DPYSL4: variants seen among roughly 807,000 people sequenced by gnomAD.
The protein encoded by DPYSL4 is dihydropyrimidinase like 4.
A neutral mutation model predicts 63.4 loss-of-function variants in DPYSL4; 43 were observed. The observed-to-expected ratio is 0.68, with a 90% CI of 0.53 to 0.88. The LOEUF (loss-of-function observed/expected upper bound fraction) is 0.88, where lower values mean the gene tolerates loss of function less well. Ranked by LOEUF, DPYSL4 falls within the 40% of genes least tolerant of loss-of-function variation. The pLI, the probability that DPYSL4 is intolerant of heterozygous loss-of-function variation, is 0.00. For synonymous variants in DPYSL4, 353 were observed against 331.7 expected, an observed-to-expected ratio of 1.06 and a Z score of -0.70; for missense variants, 733 against 819.5, an observed-to-expected ratio of 0.89 and a Z score of 1.29.
At chr10:132,196,603 G>A (rs750243568) in intron 4 of DPYSL4, among the ~76,000 whole-genome samples, 9 of 152,254 alleles carry the variant, frequency 5.9e-5, no homozygotes, top group Admixed American at 2.0e-4. Context: ...ATTTGCCGCT[G>A]GGTGGACAAT....
In DPYSL4 at chr10:132,200,349, G is replaced by A; in HGVS notation, c.812-7G>A. 1.2e-6 allele frequency: 2 copies of A among 1,612,984 alleles called. No individual in the cohort carries two copies. Among genetic ancestry groups the A allele is most frequent in the Non-Finnish European group, 1.7e-6 (2 of 1,179,806 alleles). ...GTGGGGCACCTCTCATGGGCCTCGT[G>A]CTGCAGGGGTGGTCGTGTTTGGGGA... On this transcript the variant is annotated splice_region_variant and splice_polypyrimidine_tract_variant and intron_variant, in intron 8 of 13. Transcript: ENST00000338492.
rs1156673758 is a variant in DPYSL4, at chr10:132,195,017, T to G, written c.478+8T>G. 23 of 1,575,624 alleles carry G rather than the reference T, an allele frequency of 1.5e-5. No homozygotes were observed. The highest frequency in any genetic ancestry group is 1.7e-4 in the Middle Eastern group (1 of 5,920). On this transcript the variant is annotated splice_region_variant and intron_variant, in intron 4 of 13. Transcript: ENST00000338492. ...CCCTGGTCAAGGAGAAGGGTGAGGG[T>G]GGCTGGAGGGGCTGGAGGGCGGGCA...
rs747724573 is a variant in DPYSL4 at position 132,190,742 on chromosome 10, G to A, written c.40-5G>A. 1.9e-5 allele frequency: 31 copies of A among 1,612,538 alleles called. No homozygotes were observed. The highest frequency in any genetic ancestry group is 1.3e-4 in the East Asian group (6 of 44,850). On this transcript the variant is annotated splice_polypyrimidine_tract_variant and splice_region_variant and intron_variant, in intron 1 of 13. Coordinates refer to ENST00000338492, the MANE Select transcript of DPYSL4 (RefSeq NM_006426.3). ...AGAAAAATTACCCTTTGTTGTTCCC[G>A]ATAGAGTGACCGCCTTCTGATCAGA...
chr10:132,200,260 G>A, intron 8 of DPYSL4, 96 bp from the exon 9 acceptor site: 2 of 1,475,552 alleles, frequency 1.4e-6, no homozygotes, highest in Admixed American at 1.8e-5. Flanking sequence ...GGCAAGGAAA[G>A]TGAGGGGCAG....
At position 132,194,884 on chromosome 10, in the gene DPYSL4, C is replaced by T. The variant is rs778214732; in HGVS notation, c.353C>T (p.Ala118Val). The T allele has an allele frequency of 3.9e-5, 63 of 1,612,668 alleles. No homozygotes were observed. Among genetic ancestry groups the T allele is most frequent in the Admixed American group, 1.8e-4 (11 of 59,994 alleles). Residue 118 changes from alanine (A) to valine (V), a missense_variant, in exon 4 of 14, where the codon GCG becomes GTG. By Grantham distance (64) the Ala-to-Val change is moderately conservative (BLOSUM62 0). Coordinates refer to ENST00000338492, the MANE Select transcript of DPYSL4 (RefSeq NM_006426.3). ...VFPDTGVSLL[A>V]AYEQWRERAD... ...CCCGACACGGGTGTGAGCCTGCTGG[C>T]GGCCTACGAGCAGTGGCGGGAGCGG...
chr10:132,187,275 G>A (rs2061809331), intron 1 of DPYSL4, among the ~76,000 whole-genome samples, 173 bp downstream of exon 1: 1 of 151,420 alleles, frequency 6.6e-6, no homozygotes, highest in Non-Finnish European at 1.5e-5. Context: ...CCCAGGGTCC[G>A]AGAGTCCCCG....
At chr10:132,192,404 G>T (rs767779736) in intron 2 of DPYSL4, 2 of 1,137,888 alleles carry the variant, frequency 1.8e-6, no homozygotes. Context: ...TACCAACCAG[G>T]GACCTGAGTG....
chr10:132,196,207 C>T (rs2061941719), intron 4 of DPYSL4, among the ~76,000 whole-genome samples: 1 of 152,226 alleles, frequency 6.6e-6, no homozygotes, highest in South Asian at 2.1e-4. Flanking sequence ...CCTCCAGGCC[C>T]AGGCCGGTCC....
intron 11 of DPYSL4, among the ~76,000 whole-genome samples, 170 bp from the exon 12 acceptor site, chr10:132,202,476 G>A (rs546693355): frequency 2.0e-5 from 3 of 152,340 alleles, no homozygotes; most frequent in Non-Finnish European, 2.9e-5. Context: ...CCGAGGGGGG[G>A]CATTCCTCCC....
Position 132,201,943 on chromosome 10 carries a change from C to T in DPYSL4, c.1111-3C>T. On this transcript the variant is annotated splice_polypyrimidine_tract_variant and splice_region_variant and intron_variant, in intron 10 of 13. Transcript: ENST00000338492. ...CCCTCAGCTCAGCCTTCTTGTTCCC[C>T]AGGCCTCTGGGAAGATGGACGAGAA... 6.2e-7 allele frequency: 1 copy of T among 1,610,418 alleles called. No individual in the cohort carries two copies. Among genetic ancestry groups the T allele is most frequent in the South Asian group, 1.1e-5 (1 of 90,790 alleles).
Position 132,203,865 on chromosome 10 carries a change from G to A in DPYSL4, c.1565G>A (p.Cys522Tyr), listed in dbSNP as rs756552742. 3 of 1,612,908 alleles carry A rather than the reference G, an allele frequency of 1.9e-6. No individual in the cohort carries two copies. Among genetic ancestry groups the A allele is most frequent in the Non-Finnish European group, 8.5e-7 (1 of 1,179,784 alleles). ...PGSGAPARASCPGKISVPPVR... is the reference protein window; with the variant it reads ...PGSGAPARASYPGKISVPPVR... ...AGTGGCGCTCCGGCCCGCGCGTCCT[G>A]CCCAGGCAAGATCTCCGTCCCTCCT... Residue 522 changes from cysteine (C) to tyrosine (Y), a missense_variant, in exon 13 of 14, where the codon TGC (cysteine) becomes TAC (tyrosine). By Grantham distance (194) the Cys-to-Tyr change is radical. Transcript: ENST00000338492.
chr10:132,195,073 C>T (rs1376277890), intron 4 of DPYSL4, 64 bp downstream of exon 4: 1 of 1,533,758 alleles, frequency 6.5e-7, no homozygotes, highest in Non-Finnish European at 8.8e-7. Context: ...TCTGCCCTGA[C>T]CCTGTGTTCT....
Position 132,203,746 on chromosome 10 carries a change from C to A in DPYSL4, c.1462-16C>A. 1 of 1,593,092 alleles carries A rather than the reference C, an allele frequency of 6.3e-7. No individual in the cohort carries two copies. ...CAGCCCCTCATGCCCTGTCTCTGCCCCCACCCCCCCGGCAGCTGGCGGAGA... is the reference window on the plus strand; with the variant it reads ...CAGCCCCTCATGCCCTGTCTCTGCCACCACCCCCCCGGCAGCTGGCGGAGA... On this transcript the variant is annotated splice_polypyrimidine_tract_variant and intron_variant, in intron 12 of 13. Coordinates refer to ENST00000338492, the MANE Select transcript of DPYSL4 (RefSeq NM_006426.3).
At chr10:132,202,431 C>T (rs144602056) in intron 11 of DPYSL4, among the ~76,000 whole-genome samples, 38 of 152,218 alleles carry the variant, frequency 2.5e-4, no homozygotes, top group African/African-American at 8.4e-4. Flanking sequence ...CCTTTGTCCT[C>T]GAGAGAAACG....
At chr10:132,188,820 T>C (rs2137496829) in intron 1 of DPYSL4, among the ~76,000 whole-genome samples, 1 of 152,334 alleles carries the variant, frequency 6.6e-6, no homozygotes, top group East Asian at 1.9e-4. Flanking sequence ...CATGACATAC[T>C]CTTGTTATTG....
In DPYSL4 at chr10:132,190,656, T is replaced by C; in HGVS notation, c.40-91T>C. 6 of 1,289,748 alleles carry C rather than the reference T, an allele frequency of 4.7e-6. No homozygotes were observed. The South Asian group carries it at 8.1e-5, about 17-fold the overall frequency. 79.9% of individuals were successfully genotyped at this position (1,289,748 alleles called of 1,614,324 possible). A position where few individuals can be genotyped will look rare whatever the true frequency, so the allele number is the denominator to read the frequency against. On this transcript the variant is annotated intron_variant, in intron 1 of 13. Transcript: ENST00000338492. ...ACGTCTAGAAATTTTGCCTGAATGT[T>C]TCAGTCATAATTTCAGAGGAAGGAG...
At chr10:132,198,347 T>C in intron 6 of DPYSL4, 68 bp from the exon 7 acceptor site, 2 of 1,507,366 alleles carry the variant, frequency 1.3e-6, no homozygotes, top group African/African-American at 1.4e-5. Flanking sequence ...CTCCCAGCCT[T>C]GGGCTTAGCA....
intron 4 of DPYSL4, among the ~76,000 whole-genome samples, 180 bp downstream of exon 4, chr10:132,195,189 G>A (rs1016470230): frequency 1.3e-5 from 2 of 152,114 alleles, no homozygotes; most frequent in South Asian, 2.1e-4. Context: ...TAGACCAAGA[G>A]GCCTTCTCTT....
At chr10:132,190,583 C>T (rs2061861161) in intron 1 of DPYSL4, among the ~76,000 whole-genome samples, 164 bp from the exon 2 acceptor site, 1 of 152,236 alleles carries the variant, frequency 6.6e-6, no homozygotes, top group Non-Finnish European at 1.5e-5. Flanking sequence ...CGCCTGGTGC[C>T]ACTTCTTGGG....
Sources: allele counts gnomAD v4.1 joint callset (sites outside exome capture counted in the v4.1 genomes callset), GRCh38; gene constraint gnomAD v4.1.1; transcripts MANE v1.5; gene names NCBI Gene and HGNC (gene_info 2026-07-23, HGNC 2026-07-21).